The following ZNF385D variants were observed in gnomAD, a reference collection of about 807,000 sequenced individuals.
ZNF385D encodes the protein zinc finger protein 385D.
In ZNF385D, 15 loss-of-function variants were observed where a neutral mutation model predicts 35.8. The ratio of observed to expected loss-of-function variants is 0.42; its 90% confidence interval spans 0.28 to 0.64. ZNF385D has a LOEUF of 0.64. Among genes scored for constraint, ZNF385D ranks in the 30% least tolerant of loss-of-function variants. ZNF385D has a pLI of 0.23. For synonymous variants in ZNF385D, 212 were observed against 186.8 expected (o/e 1.13, Z -1.10); for missense variants, 474 against 494.6 (o/e 0.96, Z 0.39).
chr3:22,309,043 G>T (rs556618424), intron 2 of ZNF385D, among the ~76,000 whole-genome samples: 2 of 152,124 alleles, frequency 1.3e-5, no homozygotes, highest in Non-Finnish European at 2.9e-5. Context: ...TGAAAATACT[G>T]CCAGAAAGGA....
chr3:21,945,196 T>C (rs1244141807), intron 3 of ZNF385D, among the ~76,000 whole-genome samples: 3 of 125,292 alleles, frequency 2.4e-5, no homozygotes, highest in Non-Finnish European at 5.0e-5. Flanking sequence ...AGAGACAGAT[T>C]GAGAGAAAGA....
At chr3:21,505,253 A>G (rs1245923902) in intron 4 of ZNF385D, among the ~76,000 whole-genome samples, 4 of 152,082 alleles carry the variant, frequency 2.6e-5, no homozygotes, top group Admixed American at 2.0e-4. Flanking sequence ...GCAATGGGCC[A>G]TGGAAAAGCA....
chr3:22,218,315 G>A (rs1424529718), intron 2 of ZNF385D, among the ~76,000 whole-genome samples: 1 of 151,678 alleles, frequency 6.6e-6, no homozygotes, highest in Admixed American at 6.6e-5. Context: ...TTACTTTTAT[G>A]TATTTTTATA....
At chr3:22,311,942 C>G (rs1432384905) in intron 2 of ZNF385D, among the ~76,000 whole-genome samples, 3 of 152,098 alleles carry the variant, frequency 2.0e-5, no homozygotes, top group Non-Finnish European at 4.4e-5. Context: ...ATTGAGGCTA[C>G]ACAAAGTAGC....
chr3:22,341,066 TAGAC>T (rs1695399699), intron 2 of ZNF385D, among the ~76,000 whole-genome samples: 1 of 152,178 alleles, frequency 6.6e-6, no homozygotes. Context: ...GCTAGGGACT[TAGAC>T]AAAGAATCAA....
intron 2 of ZNF385D, among the ~76,000 whole-genome samples, chr3:21,632,708 G>T (rs1436925119): frequency 6.6e-6 from 1 of 152,092 alleles, no homozygotes; most frequent in Non-Finnish European, 1.5e-5. Flanking sequence ...ACGAACTGTT[G>T]CTTTCCCTAA....
At chr3:22,103,229 A>T (rs1262379955) in intron 3 of ZNF385D, among the ~76,000 whole-genome samples, 3 of 150,858 alleles carry the variant, frequency 2.0e-5, no homozygotes, top group Admixed American at 1.3e-4. Flanking sequence ...TTTTTTTTAA[A>T]TACATGTCTG....
intron 3 of ZNF385D, among the ~76,000 whole-genome samples, chr3:22,165,435 A>C (rs912184340): frequency 2.0e-5 from 3 of 152,148 alleles, no homozygotes; most frequent in Non-Finnish European, 4.4e-5. Flanking sequence ...TCAGTTGCAA[A>C]ATAATGTGTG....
chr3:22,049,691 C>G (rs542866073), intron 3 of ZNF385D, among the ~76,000 whole-genome samples: 9 of 152,262 alleles, frequency 5.9e-5, no homozygotes, highest in African/African-American at 2.2e-4. Context: ...TAGATTCTTT[C>G]TATACCTTAT....
intron 3 of ZNF385D, among the ~76,000 whole-genome samples, chr3:22,098,199 C>T (rs1204021152): frequency 6.6e-6 from 1 of 152,018 alleles, no homozygotes; most frequent in Non-Finnish European, 1.5e-5. Flanking sequence ...TAAAATATCA[C>T]GTGATTTTCA....
In ZNF385D at chr3:22,334,334, T is replaced by G. The variant is rs115514393; in HGVS notation, c.106+38116A>C. 9.9e-3 allele frequency among the ~76,000 whole-genome samples: 1,508 copies of G among 152,290 alleles called. 21 individuals carry two copies. Among genetic ancestry groups the G allele is most frequent in the African/African-American group, 0.034 (1,412 of 41,578 alleles). ...TGTATTTAGTGACTATTACACAAATTAGATAGTATTGACTTAAAGCCTAAG... is the reference window on the plus strand; with the variant it reads ...TGTATTTAGTGACTATTACACAAATGAGATAGTATTGACTTAAAGCCTAAG... On this transcript the variant is annotated intron_variant, in intron 2 of 5. Transcript: ENST00000494108.
At chr3:22,007,624 C>A (rs565409363) in intron 3 of ZNF385D, among the ~76,000 whole-genome samples, 1 of 152,170 alleles carries the variant, frequency 6.6e-6, no homozygotes, top group East Asian at 1.9e-4. Flanking sequence ...GTAGGTATTT[C>A]GTCACAGTTT....
intron 3 of ZNF385D, among the ~76,000 whole-genome samples, chr3:21,888,106 C>T (rs1559725319): frequency 6.6e-6 from 1 of 151,994 alleles, no homozygotes; most frequent in Non-Finnish European, 1.5e-5. Flanking sequence ...AAAAACATCT[C>T]ATAATTTTTT....
At position 21,511,015 on chromosome 3, in the gene ZNF385D, A is replaced by G. The variant is rs780587387; in HGVS notation, c.285T>C (p.Ala95=). The G allele has an allele frequency of 1.2e-6, 2 of 1,614,034 alleles. No homozygotes were observed. The highest frequency in any genetic ancestry group is 1.7e-5 in the Admixed American group (1 of 60,012). ...CQLRFNSDSQ[A]AAHYKGTKHA... ...GTTTCGTGCCTTTGTAGTGGGCCGC[A>G]GCCTGGCTCTACAAAGGAGAACAAA... Residue 95 remains alanine, a synonymous_variant, in exon 4 of 8, where the codon GCT becomes GCC. Transcript: ENST00000281523.
intron 2 of ZNF385D, among the ~76,000 whole-genome samples, chr3:22,234,748 G>C (rs1699082590): frequency 1.3e-5 from 2 of 151,656 alleles, no homozygotes; most frequent in African/African-American, 4.8e-5. Flanking sequence ...CCTTTTTTCA[G>C]ACTTTATTCT....
intron 3 of ZNF385D, among the ~76,000 whole-genome samples, chr3:22,000,417 G>T (rs1223334216): frequency 6.6e-6 from 1 of 152,122 alleles, no homozygotes; most frequent in African/African-American, 2.4e-5. Flanking sequence ...AAATGCCATG[G>T]CAATGTCAGG....
chr3:21,755,128 G>A (rs984973916), upstream of ZNF385D, among the ~76,000 whole-genome samples: 1 of 152,192 alleles, frequency 6.6e-6, no homozygotes, highest in African/African-American at 2.4e-5. Context: ...GATTCAGCAT[G>A]AGTTAGCATA....
intron 2 of ZNF385D, among the ~76,000 whole-genome samples, chr3:22,304,126 T>G (rs183012502): frequency 3.9e-5 from 6 of 152,178 alleles, no homozygotes; most frequent in Non-Finnish European, 8.8e-5. Flanking sequence ...TTAATAAAAA[T>G]CTGGCTTAGG....
chr3:22,281,385 C>T (rs892548407), intron 2 of ZNF385D, among the ~76,000 whole-genome samples: 1 of 152,054 alleles, frequency 6.6e-6, no homozygotes, highest in African/African-American at 2.4e-5. Context: ...TAATACATGG[C>T]TTTTATTACC....
Sources: gnomAD v4.1 joint callset for allele counts (sites outside exome capture counted in the v4.1 genomes callset) on GRCh38, gnomAD v4.1.1 for gene constraint, MANE v1.5 for transcripts, NCBI Gene and HGNC (gene_info 2026-07-23, HGNC 2026-07-21) for gene names.